PDE10A: variants seen among roughly 807,000 people sequenced by gnomAD.
The protein encoded by PDE10A is cAMP and cAMP-inhibited cGMP 3',5'-cyclic phosphodiesterase 10A.
Under a neutral mutation model 97.7 loss-of-function variants are expected in PDE10A, and 39 were observed. The observed-to-expected ratio is 0.40, with a 90% CI of 0.31 to 0.52. The LOEUF (loss-of-function observed/expected upper bound fraction) is 0.52, where lower values mean the gene tolerates loss of function less well. PDE10A is among the 20% of genes least tolerant of loss of function. PDE10A has a pLI of 0.56. For synonymous variants in PDE10A, 371 were observed against 376.8 expected, an observed-to-expected ratio of 0.98 and a Z score of 0.18; for missense variants, 731 against 1,047.8, an observed-to-expected ratio of 0.70 and a Z score of 4.17.
In PDE10A at chr6:165,758,502, GAAAGAAGA is replaced by G. The variant is rs1199438584; in HGVS notation, c.-614-214942_-614-214935del. ...AGAAGAAAGGAGAAAGAAGAAAGAA[GAAAGAAGA>G]AAGAAGAAGAAGAAGAAGAAGAGGA... On this transcript the variant is annotated intron_variant, in intron 1 of 19. Transcript: ENST00000366882. 2.1e-3 allele frequency among the ~76,000 whole-genome samples: 164 copies of G among 77,218 alleles called. 1 individual carries two copies. The highest frequency in any genetic ancestry group is 5.2e-3 in the Non-Finnish European group (120 of 23,270). The allele number at this position is 77,218 out of a possible 152,430, so 50.7% of individuals were successfully genotyped here.
chr6:165,421,734 A>C (rs1222267154), intron 10 of PDE10A, among the ~76,000 whole-genome samples: 1 of 152,190 alleles, frequency 6.6e-6, no homozygotes, highest in Non-Finnish European at 1.5e-5. Context: ...TTCATATGTC[A>C]AAAAAATCAA....
Position 165,331,799 on chromosome 6 carries a change from A to T in PDE10A, c.*1226T>A, listed in dbSNP as rs1781356186. Reference sequence around the variant, plus strand: ...CTGGTCAACCAAAAAGGTGTATAGAAGAAACCATCGAAACCCACAGGCTTC... The same window carrying T: ...CTGGTCAACCAAAAAGGTGTATAGATGAAACCATCGAAACCCACAGGCTTC... On this transcript the variant is annotated 3_prime_UTR_variant, in exon 22 of 22. Transcript: ENST00000539869. 2 of 152,252 alleles carry T rather than the reference A, an allele frequency of 1.3e-5. No individual in the cohort carries two copies. 9.4% of individuals were successfully genotyped at this position (152,252 alleles called of 1,614,324 possible). A position where few individuals can be genotyped will look rare whatever the true frequency, so the allele number is the denominator to read the frequency against.
At chr6:165,822,617 A>C (rs991052432) in intron 1 of PDE10A, among the ~76,000 whole-genome samples, 11 of 86,168 alleles carry the variant, frequency 1.3e-4, no homozygotes, top group Non-Finnish European at 2.9e-4. Flanking sequence ...TATAAGCTTA[A>C]AAAAAAAAAA....
At chr6:165,476,807 C>T (rs1420356536) in intron 3 of PDE10A, among the ~76,000 whole-genome samples, 1 of 152,058 alleles carries the variant, frequency 6.6e-6, no homozygotes, top group Non-Finnish European at 1.5e-5. Context: ...TCCTTGAAAA[C>T]ATTAAATACA....
At chr6:165,985,374 T>C (rs1583399315) in intron 1 of PDE10A, among the ~76,000 whole-genome samples, 1 of 152,336 alleles carries the variant, frequency 6.6e-6, no homozygotes, top group East Asian at 1.9e-4. Flanking sequence ...GATATCCAAG[T>C]ATCACTTGTG....
chr6:165,752,434 T>A (rs1054736056), intron 1 of PDE10A, among the ~76,000 whole-genome samples: 6 of 152,220 alleles, frequency 3.9e-5, no homozygotes, highest in Non-Finnish European at 1.5e-5. Flanking sequence ...CCTGGGCTCC[T>A]GGCCTAGACA....
At chr6:165,932,433 T>A (rs1783166839) in intron 1 of PDE10A, among the ~76,000 whole-genome samples, 1 of 152,098 alleles carries the variant, frequency 6.6e-6, no homozygotes, top group Non-Finnish European at 1.5e-5. Flanking sequence ...CCTCCTGAGT[T>A]CAAGCGATTC....
At chr6:165,509,864 T>G (rs1781414155) in intron 2 of PDE10A, among the ~76,000 whole-genome samples, 1 of 152,042 alleles carries the variant, frequency 6.6e-6, no homozygotes. Context: ...ATTGGCTTCT[T>G]GATTTCTTTT....
At chr6:165,930,989 T>C (rs1256975651) in intron 1 of PDE10A, among the ~76,000 whole-genome samples, 1 of 152,236 alleles carries the variant, frequency 6.6e-6, no homozygotes, top group Admixed American at 6.5e-5. Flanking sequence ...TGAGACAGCA[T>C]GGAGCATTGA....
intron 16 of PDE10A, among the ~76,000 whole-genome samples, chr6:165,389,375 A>G (rs1168070748): frequency 6.6e-6 from 1 of 152,208 alleles, no homozygotes; most frequent in Non-Finnish European, 1.5e-5. Flanking sequence ...GACCAGGATA[A>G]TAACAGTGAA....
intron 18 of PDE10A, among the ~76,000 whole-genome samples, chr6:165,360,541 G>A (rs1783341892): frequency 6.6e-6 from 1 of 152,192 alleles, no homozygotes; most frequent in South Asian, 2.1e-4. Flanking sequence ...AGTGGATGTT[G>A]TAGGAGGAGG....
intron 2 of PDE10A, among the ~76,000 whole-genome samples, chr6:165,535,141 T>G (rs1422628032): frequency 3.9e-5 from 6 of 152,080 alleles, no homozygotes; most frequent in Non-Finnish European, 8.8e-5. Context: ...CATTTCTATA[T>G]GTCGAAAGCA....
At chr6:165,634,265 G>A (rs1054014296) in intron 1 of PDE10A, among the ~76,000 whole-genome samples, 3 of 152,186 alleles carry the variant, frequency 2.0e-5, no homozygotes, top group Admixed American at 1.3e-4. Flanking sequence ...GTGTGTGTGT[G>A]TGGAGCGTCA....
At position 165,363,452 on chromosome 6, in the gene PDE10A, G is replaced by T. The variant is rs193233930; in HGVS notation, c.2783+15742C>A. ...ATTGCTTGAACCCGGGGGAAGGAGG[G>T]TGCAGTGAGCTGAGATCGTGCCACT... On this transcript the variant is annotated intron_variant, in intron 18 of 21. Transcript: ENST00000539869. Among the ~76,000 whole-genome samples, 940 of 151,828 alleles carry T rather than the reference G, an allele frequency of 6.2e-3. 16 individuals are homozygous for T. The highest frequency in any genetic ancestry group is 0.021 in the African/African-American group (885 of 41,448).
intron 2 of PDE10A, among the ~76,000 whole-genome samples, chr6:165,500,287 A>AAG (rs555659348): frequency 2.0e-5 from 3 of 152,156 alleles, no homozygotes; most frequent in Non-Finnish European, 2.9e-5. Flanking sequence ...TTGTGCAGAA[A>AAG]AGAGAGAGAG....
At chr6:165,442,267 A>G (rs972834635) in intron 5 of PDE10A, among the ~76,000 whole-genome samples, 3 of 152,090 alleles carry the variant, frequency 2.0e-5, no homozygotes, top group Non-Finnish European at 2.9e-5. Context: ...AGCATTAGGT[A>G]TATCTCCTAA....
chr6:165,643,542 T>A (rs144092085), intron 1 of PDE10A, among the ~76,000 whole-genome samples: 2 of 152,140 alleles, frequency 1.3e-5, no homozygotes, highest in African/African-American at 4.8e-5. Context: ...TTTCTTCTTT[T>A]GGAAATCGGA....
chr6:165,340,658 C>T (rs1347700740), intron 19 of PDE10A, among the ~76,000 whole-genome samples: 1 of 152,210 alleles, frequency 6.6e-6, no homozygotes, highest in Admixed American at 6.5e-5. Context: ...AGGAAAAGAA[C>T]CCAGTGCTAC....
At chr6:165,562,169 C>T (rs989669399) in intron 1 of PDE10A, among the ~76,000 whole-genome samples, 3 of 151,984 alleles carry the variant, frequency 2.0e-5, no homozygotes, top group Non-Finnish European at 2.9e-5. Context: ...ACTAGATATA[C>T]TATATCTATG....
Sources: gnomAD v4.1 joint callset for allele counts (sites outside exome capture counted in the v4.1 genomes callset) on GRCh38, gnomAD v4.1.1 for gene constraint, MANE v1.5 for transcripts, NCBI Gene and HGNC (gene_info 2026-07-23, HGNC 2026-07-21) for gene names.